The following NLGN4X variants were observed in gnomAD, a reference collection of about 807,000 sequenced individuals.
NLGN4X encodes the protein neuroligin-4, X-linked.
Under a neutral mutation model 40.3 loss-of-function variants are expected in NLGN4X, and 3 were observed. The ratio of observed to expected loss-of-function variants is 0.07; its 90% CI spans 0.03 to 0.19. The LOEUF is 0.19. Among genes scored for constraint, NLGN4X ranks in the 10% least tolerant of loss-of-function variants. The pLI is 1.00. For synonymous variants in NLGN4X, 270 were observed against 306.8 expected, an observed-to-expected ratio of 0.88 and a Z score of 1.25; for missense variants, 382 against 708.3, an observed-to-expected ratio of 0.54 and a Z score of 5.23.
intron 3 of NLGN4X, among the ~76,000 whole-genome samples, chrX:5,954,561 T>C (rs1283191248): frequency 1.9e-5 from 2 of 108,044 alleles, no homozygotes; most frequent in Non-Finnish European, 3.8e-5. Flanking sequence ...TGTAGCTAAA[T>C]GGTTCACTAG....
intron 1 of NLGN4X, among the ~76,000 whole-genome samples, chrX:6,168,923 G>C (rs762707794): frequency 8.9e-6 from 1 of 111,952 alleles, no homozygotes; most frequent in Non-Finnish European, 1.9e-5. Flanking sequence ...TAATACACTA[G>C]AGAACATTAA....
At chrX:6,084,908 G>T (rs1292273880) in intron 2 of NLGN4X, among the ~76,000 whole-genome samples, 1 of 110,353 alleles carries the variant, frequency 9.1e-6, no homozygotes, top group Non-Finnish European at 1.9e-5. Context: ...CCAGTTTCAG[G>T]TATTCTGTTA....
Position 5,998,642 on chromosome X carries a change from C to A in NLGN4X, c.625+30638G>T, listed in dbSNP as rs186624105. ...AAGCTCTGATGACTCAGACATACAA[C>A]CAAGGCATAGTAGATTATTTTTTCC... On this transcript the variant is annotated intron_variant, in intron 3 of 5. Transcript: ENST00000381095. 2.7e-5 allele frequency among the ~76,000 whole-genome samples: 3 copies of A among 111,631 alleles called. No individual in the cohort carries two copies. The East Asian group carries it at 8.5e-4, about 32-fold the overall frequency.
chrX:5,908,118 G>GA (rs2032299641), intron 4 of NLGN4X, among the ~76,000 whole-genome samples: 1 of 104,900 alleles, frequency 9.5e-6, no homozygotes, highest in Non-Finnish European at 2.0e-5. Context: ...GAGCAAAAGA[G>GA]AGAGAGGGAG....
At chrX:6,117,813 T>G (rs981487810) in intron 2 of NLGN4X, among the ~76,000 whole-genome samples, 3 of 112,171 alleles carry the variant, frequency 2.7e-5, no homozygotes, top group South Asian at 7.5e-4. Context: ...CAATGCCACA[T>G]CTGAGCAGAA....
rs1332244830 is a variant in NLGN4X, at chrX:5,891,521, C to T, written c.*1296G>A. On this transcript the variant is annotated 3_prime_UTR_variant, in exon 6 of 6. Coordinates refer to ENST00000381095, the MANE Select transcript of NLGN4X (RefSeq NM_181332.3). The stretch of plus-strand genomic sequence containing the variant: ...TAGCTAAGCTGAGCAGGTACTTCAT[C>T]GGCCAAACCCTCCCGCAGCTGCTAG... 2 of 288,794 alleles carry T rather than the reference C, an allele frequency of 6.9e-6. No homozygotes were observed. Among genetic ancestry groups the T allele is most frequent in the African/African-American group, 2.8e-5 (1 of 35,735 alleles). 23.8% of individuals were successfully genotyped at this position (288,794 alleles called of 1,213,427 possible).
intron 2 of NLGN4X, among the ~76,000 whole-genome samples, chrX:6,046,856 TATATA>T (rs1015029496): frequency 4.0e-5 from 3 of 75,474 alleles, no homozygotes; most frequent in African/African-American, 1.4e-4. Context: ...TAAACACATA[TATATA>T]TACACATGTC....
At chrX:6,058,572 ATG>A (rs1269475610) in intron 2 of NLGN4X, among the ~76,000 whole-genome samples, 2 of 112,167 alleles carry the variant, frequency 1.8e-5, no homozygotes, top group African/African-American at 6.5e-5. Context: ...AGGGAACATT[ATG>A]TCTTTTTAGG....
At chrX:6,047,394 C>T (rs1216150249) in intron 2 of NLGN4X, among the ~76,000 whole-genome samples, 2 of 111,479 alleles carry the variant, frequency 1.8e-5, no homozygotes, top group African/African-American at 6.5e-5. Context: ...GGGAGGATCA[C>T]CTAAGCCCGG....
At chrX:6,056,763 T>G (rs765766405) in intron 2 of NLGN4X, among the ~76,000 whole-genome samples, 1 of 112,215 alleles carries the variant, frequency 8.9e-6, no homozygotes, top group East Asian at 2.8e-4. Flanking sequence ...ACCAGTCCAC[T>G]GTGAAGGTGA....
chrX:5,970,244 G>A (rs1484486141), intron 3 of NLGN4X, among the ~76,000 whole-genome samples: 1 of 110,722 alleles, frequency 9.0e-6, no homozygotes, highest in Non-Finnish European at 1.9e-5. Context: ...TGTAAATGAC[G>A]AGTTAATGGG....
chrX:6,137,748 C>T (rs1285737545), intron 2 of NLGN4X, among the ~76,000 whole-genome samples: 1 of 111,885 alleles, frequency 8.9e-6, no homozygotes, highest in Non-Finnish European at 1.9e-5. Context: ...TATCCTAAGT[C>T]TTAGAATAAG....
chrX:6,164,310 T>C (rs979300458), intron 1 of NLGN4X, among the ~76,000 whole-genome samples: 1 of 112,804 alleles, frequency 8.9e-6, no homozygotes, highest in African/African-American at 3.2e-5. Context: ...GGCTTTCTCA[T>C]TGCTGTATCT....
rs201165141 is a variant in NLGN4X at position 5,907,997 on chromosome X, AAGAG to A, written c.811+1053_811+1056del. Among the ~76,000 whole-genome samples the A allele has an allele frequency of 8.1e-3, 681 of 83,753 alleles. 27 individuals carry two copies. Among genetic ancestry groups the A allele is most frequent in the Admixed American group, 0.077 (551 of 7,132 alleles). 72.7% of individuals were successfully genotyped at this position (83,753 alleles called of 115,157 possible). On this transcript the variant is annotated intron_variant, in intron 4 of 5. Coordinates refer to ENST00000381095, the MANE Select transcript of NLGN4X (RefSeq NM_181332.3). ...GGAGACAGAGAAAAGGAGAGAGAGGAAGAGAGAGAGAGGGAGAAAGACAGGGAGA... is the reference window on the plus strand; with the variant it reads ...GGAGACAGAGAAAAGGAGAGAGAGGAAGAGAGAGGGAGAAAGACAGGGAGA...
chrX:6,204,925 T>C (rs762769379), intron 1 of NLGN4X, among the ~76,000 whole-genome samples: 6 of 111,702 alleles, frequency 5.4e-5, no homozygotes, highest in Non-Finnish European at 7.5e-5. Context: ...CCAGAACCCA[T>C]GGTTTTGTGG....
intron 2 of NLGN4X, among the ~76,000 whole-genome samples, chrX:6,133,383 C>A (rs2039728740): frequency 8.9e-6 from 1 of 112,149 alleles, no homozygotes; most frequent in Non-Finnish European, 1.9e-5. Flanking sequence ...ACACACACCT[C>A]CTAATTTAAC....
chrX:6,054,764 T>G (rs2037578307), intron 2 of NLGN4X, among the ~76,000 whole-genome samples: 1 of 111,027 alleles, frequency 9.0e-6, no homozygotes, highest in South Asian at 3.8e-4. Context: ...TTCAAGCAAT[T>G]CTCCTGCCTC....
chrX:5,921,059 T>C (rs2033012051), intron 3 of NLGN4X, among the ~76,000 whole-genome samples: 1 of 107,968 alleles, frequency 9.3e-6, no homozygotes, highest in Admixed American at 1.0e-4. Flanking sequence ...TCTTCATTGC[T>C]GAAGCATGGT....
chrX:6,043,131 G>A (rs2037219335), intron 2 of NLGN4X, among the ~76,000 whole-genome samples: 1 of 52,144 alleles, frequency 1.9e-5, no homozygotes, highest in East Asian at 6.9e-4. Context: ...CTATGCACGC[G>A]CATACACACA....
Sources: gnomAD v4.1 joint callset for allele counts (sites outside exome capture counted in the v4.1 genomes callset) on GRCh38, gnomAD v4.1.1 for gene constraint, MANE v1.5 for transcripts, NCBI Gene and HGNC (gene_info 2026-07-23, HGNC 2026-07-21) for gene names.